ATCAY: variants seen among roughly 807,000 people sequenced by gnomAD.
The protein encoded by ATCAY is caytaxin.
In ATCAY, 22 loss-of-function variants were observed where a neutral mutation model predicts 47.7. The ratio of observed to expected loss-of-function variants is 0.46; its 90% confidence interval spans 0.33 to 0.66. ATCAY has a LOEUF of 0.66. Among genes scored for constraint, ATCAY ranks in the 30% least tolerant of loss-of-function variants. The pLI is 0.02. For missense variants in ATCAY, 452 were observed against 515.0 expected (o/e 0.88, Z 1.18); for synonymous variants, 216 against 207.6 (o/e 1.04, Z -0.35).
chr19:3,906,899 A>G (rs1599288308), intron 4 of ATCAY, among the ~76,000 whole-genome samples: 1 of 152,030 alleles, frequency 6.6e-6, no homozygotes, highest in East Asian at 2.0e-4. Flanking sequence ...GCACTTTGGG[A>G]GGCTGAGGTG....
intron 2 of ATCAY, among the ~76,000 whole-genome samples, chr19:3,896,448 G>C (rs2038770911): frequency 6.6e-6 from 1 of 151,742 alleles, no homozygotes; most frequent in Non-Finnish European, 1.5e-5. Flanking sequence ...TGTGTTTTTA[G>C]TAGAGACGGG....
In ATCAY at chr19:3,908,223, G is replaced by A. The variant is rs780099518; in HGVS notation, c.545-45G>A. 52 of 1,504,990 alleles carry A rather than the reference G, an allele frequency of 3.5e-5. No homozygotes were observed. The Admixed American group carries it at 5.1e-4, about 15-fold the overall frequency. 93.2% of individuals were successfully genotyped at this position (1,504,990 alleles called of 1,614,324 possible). On this transcript the variant is annotated intron_variant, in intron 5 of 12. Coordinates refer to ENST00000450849, the MANE Select transcript of ATCAY (RefSeq NM_033064.5). Reference sequence around the variant, plus strand: ...GGTGGTGCGCGGGAGGCAGCTCAGGGCTGGGAGAGGACTCTGACGTTGCCG... The same window carrying A: ...GGTGGTGCGCGGGAGGCAGCTCAGGACTGGGAGAGGACTCTGACGTTGCCG...
At chr19:3,918,571 A>T (rs1291019234) in intron 10 of ATCAY, among the ~76,000 whole-genome samples, 1 of 152,062 alleles carries the variant, frequency 6.6e-6, no homozygotes, top group Non-Finnish European at 1.5e-5. Flanking sequence ...AAAAACAAAA[A>T]AAAACAGCCT....
intron 6 of ATCAY, 73 bp from the exon 7 acceptor site, chr19:3,909,413 G>C (rs2038902990): frequency 6.6e-7 from 1 of 1,513,126 alleles, no homozygotes; most frequent in African/African-American, 1.4e-5. Flanking sequence ...GAGGCAGGCA[G>C]GGTCGGCACC....
chr19:3,921,314 C>T (rs189236030), intron 12 of ATCAY, among the ~76,000 whole-genome samples: 79 of 151,252 alleles, frequency 5.2e-4, no homozygotes, highest in African/African-American at 1.9e-3. Context: ...AGTTCAAGAC[C>T]AGCCTGGGCA....
chr19:3,920,642 C>T, intron 11 of ATCAY, 124 bp from the exon 12 acceptor site: 1 of 809,026 alleles, frequency 1.2e-6, no homozygotes, highest in Non-Finnish European at 1.7e-6. Context: ...TGCACCCAGC[C>T]AAGACCCTGT....
At chr19:3,902,863 C>T (rs1022784342) in intron 3 of ATCAY, among the ~76,000 whole-genome samples, 43 of 152,290 alleles carry the variant, frequency 2.8e-4, no homozygotes, top group Middle Eastern at 3.4e-3. Context: ...GAGGTGATGC[C>T]AAATGCCCTG....
At chr19:3,885,929 C>T in intron 2 of ATCAY, 85 bp downstream of exon 2, 1 of 1,419,498 alleles carries the variant, frequency 7.0e-7, no homozygotes, top group Non-Finnish European at 9.7e-7. Flanking sequence ...GGGTCTCTCT[C>T]TAAGTGGGAA....
At chr19:3,919,715 C>G (rs1462607891) in intron 11 of ATCAY, among the ~76,000 whole-genome samples, 1 of 150,948 alleles carries the variant, frequency 6.6e-6, no homozygotes, top group Non-Finnish European at 1.5e-5. Context: ...CAAGCTATGA[C>G]TGCACTCCAG....
chr19:3,890,904 A>G (rs1004033787), intron 2 of ATCAY, among the ~76,000 whole-genome samples: 2 of 152,100 alleles, frequency 1.3e-5, no homozygotes, highest in Admixed American at 6.6e-5. Flanking sequence ...CTGCGGCCAC[A>G]CATAACCACC....
chr19:3,905,464 C>A lies in ATCAY; in HGVS notation c.167C>A (p.Ala56Glu), dbSNP rs199582357. ...SPPNTLNFNGAHRKRKTLVAP... is the reference protein window; with the variant it reads ...SPPNTLNFNGEHRKRKTLVAP... The stretch of plus-strand genomic sequence containing the variant: ...CCCAACACGCTAAATTTCAACGGAG[C>A]GCATCGTAAGAGGAAGACGCTGGTG... Residue 56 changes from alanine to glutamate, a missense_variant, in exon 4 of 13, where the codon GCG becomes GAG. Physicochemically the swap from Ala to Glu is moderately radical, Grantham distance 107. Transcript: ENST00000450849. 1.9e-6 allele frequency: 3 copies of A among 1,612,840 alleles called. No individual in the cohort carries two copies. In the Admixed American group the frequency reaches 5.0e-5, roughly 27 times the overall value.
intron 1 of ATCAY, among the ~76,000 whole-genome samples, chr19:3,885,109 T>TTA (rs1555765610): frequency 0.048 from 3,388 of 70,738 alleles, 152 homozygotes; most frequent in East Asian, 0.097. Flanking sequence ...TTTTTTTTTT[T>TTA]AAAAAAAAAA....
rs1300054467 is a variant in ATCAY at position 3,896,353 on chromosome 19, C to T, written c.78-6134C>T. On this transcript the variant is annotated intron_variant, in intron 2 of 12. Coordinates refer to ENST00000450849, the MANE Select transcript of ATCAY (RefSeq NM_033064.5). The stretch of plus-strand genomic sequence containing the variant: ...CACGGTCTCAGCTCACTGCAACCTC[C>T]ACCTCCCGGGTTCAAGCGATTCTCT... Among the ~76,000 whole-genome samples the T allele has an allele frequency of 1.6e-4, 24 of 151,858 alleles. No homozygotes were observed. In the East Asian group the frequency reaches 2.5e-3, roughly 16 times the overall value.
intron 8 of ATCAY, among the ~76,000 whole-genome samples, chr19:3,911,681 A>G (rs1292421353): frequency 6.6e-6 from 1 of 152,160 alleles, no homozygotes; most frequent in Non-Finnish European, 1.5e-5. Context: ...AAAATTAGGC[A>G]TGTTAAATGC....
chr19:3,923,354 T>C (rs1254468898), intron 12 of ATCAY, among the ~76,000 whole-genome samples: 1 of 152,140 alleles, frequency 6.6e-6, no homozygotes, highest in Non-Finnish European at 1.5e-5. Flanking sequence ...TAAGATATAA[T>C]AAGCATGTTT....
chr19:3,920,648 C>T, intron 11 of ATCAY, 118 bp from the exon 12 acceptor site: 1 of 873,150 alleles, frequency 1.1e-6, no homozygotes, highest in Non-Finnish European at 1.6e-6. Flanking sequence ...CAGCCAAGAC[C>T]CTGTATCTTA....
intron 12 of ATCAY, among the ~76,000 whole-genome samples, chr19:3,922,799 C>T (rs1360616061): frequency 6.6e-6 from 1 of 152,108 alleles, no homozygotes; most frequent in Non-Finnish European, 1.5e-5. Context: ...GGCTGGAGTG[C>T]AGTGGCATGA....
In ATCAY at chr19:3,885,098, GT is replaced by G. The variant is rs1555765609; in HGVS notation, c.-41-618del. ...AGCCCAGGCAACAGAGCAAGATCAT[GT>G]TTTTTTTTTTAAAAAAAAAAAAAAA... is the stretch of plus-strand genomic sequence containing the variant. On this transcript the variant is annotated intron_variant, in intron 1 of 12. Transcript: ENST00000450849. Among the ~76,000 whole-genome samples, 287 of 80,762 alleles carry G rather than the reference GT, an allele frequency of 3.6e-3. 1 individual carries two copies. The highest frequency in any genetic ancestry group is 0.011 in the African/African-American group (216 of 20,016). The allele number at this position is 80,762 out of a possible 152,430, so 53.0% of individuals were successfully genotyped here. A position where few individuals can be genotyped will look rare whatever the true frequency, so the allele number is the denominator to read the frequency against.
chr19:3,897,774 G>C (rs1399387329), intron 2 of ATCAY, among the ~76,000 whole-genome samples: 1 of 152,160 alleles, frequency 6.6e-6, no homozygotes, highest in African/African-American at 2.4e-5. Flanking sequence ...TGAGCATGGT[G>C]GTGGGCGCCT....
Sources: gnomAD v4.1 joint callset for allele counts (sites outside exome capture counted in the v4.1 genomes callset) on GRCh38, gnomAD v4.1.1 for gene constraint, MANE v1.5 for transcripts, NCBI Gene and HGNC (gene_info 2026-07-23, HGNC 2026-07-21) for gene names.